SETD3: variants seen among roughly 807,000 people sequenced by gnomAD.
SETD3 encodes the protein SET domain containing 3, actin N3(tau)-histidine methyltransferase, also known as actin-histidine N-methyltransferase.
Under a neutral mutation model 63.0 loss-of-function variants are expected in SETD3, and 19 were observed. The ratio of observed to expected loss-of-function variants is 0.30; its 90% CI spans 0.21 to 0.44. The LOEUF (loss-of-function observed/expected upper bound fraction) is 0.44, where lower values mean the gene tolerates loss of function less well. SETD3 is among the 20% of genes least tolerant of loss of function. The probability of loss-of-function intolerance (pLI) is 1.00; values close to 1 mark genes in which losing one functional copy is unlikely to be tolerated. For missense variants in SETD3, 587 were observed against 728.5 expected, an observed-to-expected ratio of 0.81 and a Z score of 2.24; for synonymous variants, 286 against 264.1, an observed-to-expected ratio of 1.08 and a Z score of -0.80.
chr14:99,427,832 G>A (rs2400666), intron 6 of SETD3, among the ~76,000 whole-genome samples: 1 of 152,178 alleles, frequency 6.6e-6, no homozygotes, highest in South Asian at 2.1e-4. Flanking sequence ...GACACGTGCT[G>A]GAATTCAGAA....
At chr14:99,445,291 C>G (rs1259992264) in intron 6 of SETD3, among the ~76,000 whole-genome samples, 2 of 152,228 alleles carry the variant, frequency 1.3e-5, no homozygotes, top group Middle Eastern at 3.2e-3. Context: ...TCAGCACCAG[C>G]ATTTCCGTTA....
At chr14:99,416,260 TGAA>T (rs1350355454) in intron 6 of SETD3, among the ~76,000 whole-genome samples, 1 of 152,218 alleles carries the variant, frequency 6.6e-6, no homozygotes, top group Non-Finnish European at 1.5e-5. Context: ...TTTTCCCTGT[TGAA>T]GACCAAGTTA....
At chr14:99,434,447 G>A (rs114829199) in intron 6 of SETD3, among the ~76,000 whole-genome samples, 4,035 of 152,244 alleles carry the variant, frequency 0.027, 171 homozygotes, top group African/African-American at 0.091. Context: ...TGAGAAGAGC[G>A]CTTACCCCTG....
chr14:99,434,772 G>A (rs149731112), intron 6 of SETD3, among the ~76,000 whole-genome samples: 110 of 149,148 alleles, frequency 7.4e-4, no homozygotes, highest in African/African-American at 2.5e-3. Context: ...GCTTGAACCC[G>A]GGAGGGAGAG....
intron 7 of SETD3, among the ~76,000 whole-genome samples, 195 bp downstream of exon 7, chr14:99,413,681 C>T (rs1337197729): frequency 6.6e-6 from 1 of 152,238 alleles, no homozygotes; most frequent in Non-Finnish European, 1.5e-5. Flanking sequence ...AGGTTAATGG[C>T]AATTTCTACA....
chr14:99,434,600 C>G (rs1338183223), intron 6 of SETD3, among the ~76,000 whole-genome samples: 1 of 152,094 alleles, frequency 6.6e-6, no homozygotes, highest in African/African-American at 2.4e-5. Flanking sequence ...GTAATCCCAG[C>G]ACTTTGGGAT....
rs542622659 is a variant in SETD3 at position 99,462,552 on chromosome 14, T to C, written c.196+934A>G. Among the ~76,000 whole-genome samples the C allele has an allele frequency of 2.0e-4, 31 of 152,374 alleles. No individual in the cohort carries two copies. In the South Asian group the frequency reaches 5.8e-3, roughly 28 times the overall value. On this transcript the variant is annotated intron_variant, in intron 3 of 12. Coordinates refer to ENST00000331768, the MANE Select transcript of SETD3 (RefSeq NM_032233.3). ...ACTCCTTGAGAACTGGCAAATGCTT[T>C]ACCCTCAGTGTCAGGTATAGTAAAC...
At chr14:99,419,952 A>C (rs991834395) in intron 6 of SETD3, among the ~76,000 whole-genome samples, 1 of 152,228 alleles carries the variant, frequency 6.6e-6, no homozygotes, top group African/African-American at 2.4e-5. Flanking sequence ...CTAGAAATTC[A>C]TTCATTCAAC....
chr14:99,485,574 T>C (rs1444266298), upstream of SETD3, among the ~76,000 whole-genome samples: 1 of 152,212 alleles, frequency 6.6e-6, no homozygotes, highest in East Asian at 1.9e-4. Context: ...TTCCTTTTTG[T>C]TTTTACTGGC....
chr14:99,483,596 T>G (rs1896410387), upstream of SETD3, among the ~76,000 whole-genome samples: 1 of 152,210 alleles, frequency 6.6e-6, no homozygotes, highest in Admixed American at 6.5e-5. Flanking sequence ...TGTTACAGTT[T>G]ACTAGACTGG....
At chr14:99,450,794 A>T (rs1232218419) in intron 6 of SETD3, among the ~76,000 whole-genome samples, 1 of 152,256 alleles carries the variant, frequency 6.6e-6, no homozygotes, top group Non-Finnish European at 1.5e-5. Context: ...TGATGAGATC[A>T]ACTGAAAAAT....
intron 6 of SETD3, among the ~76,000 whole-genome samples, chr14:99,440,472 G>C (rs1384509722): frequency 1.3e-5 from 2 of 152,124 alleles, no homozygotes; most frequent in African/African-American, 4.8e-5. Flanking sequence ...TAGGGGACAG[G>C]GTCAGGAGCA....
chr14:99,458,635 T>C, intron 5 of SETD3, 100 bp from the exon 6 acceptor site: 1 of 1,411,366 alleles, frequency 7.1e-7, no homozygotes, highest in Non-Finnish European at 9.4e-7. Context: ...AAAGGTCTTG[T>C]AACATTTAAA....
chr14:99,485,007 G>A (rs1236298740), upstream of SETD3, among the ~76,000 whole-genome samples: 1 of 152,170 alleles, frequency 6.6e-6, no homozygotes, highest in Admixed American at 6.5e-5. Flanking sequence ...AGCTACTAAT[G>A]AGAAAACTTA....
At chr14:99,434,730 C>T (rs1893372803) in intron 6 of SETD3, among the ~76,000 whole-genome samples, 1 of 151,582 alleles carries the variant, frequency 6.6e-6, no homozygotes, top group Admixed American at 6.6e-5. Flanking sequence ...GCCTGTAATC[C>T]CAGCTACTCG....
At chr14:99,481,644 G>A, upstream of SETD3, 1 of 389,616 alleles carries the variant, frequency 2.6e-6, no homozygotes, top group Non-Finnish European at 4.5e-6. Flanking sequence ...GGCGACGCGG[G>A]GTTGTGGGGC....
intron 6 of SETD3, among the ~76,000 whole-genome samples, chr14:99,434,480 GAA>G (rs1164144629): frequency 6.6e-6 from 1 of 152,128 alleles, no homozygotes; most frequent in African/African-American, 2.4e-5. Context: ...CACTGACGGG[GAA>G]AAGACAGTGG....
chr14:99,440,712 A>G (rs1282208271), intron 6 of SETD3, among the ~76,000 whole-genome samples: 1 of 151,310 alleles, frequency 6.6e-6, no homozygotes, highest in Non-Finnish European at 1.5e-5. Context: ...GGGAGGTAAG[A>G]GGCCTTGTAG....
intron 6 of SETD3, among the ~76,000 whole-genome samples, chr14:99,448,551 A>G (rs1176230511): frequency 1.3e-5 from 2 of 152,160 alleles, no homozygotes; most frequent in African/African-American, 2.4e-5. Context: ...TCTATGCCCC[A>G]TAATATCTAC....
Sources: gnomAD v4.1 joint callset for allele counts (sites outside exome capture counted in the v4.1 genomes callset) on GRCh38, gnomAD v4.1.1 for gene constraint, MANE v1.5 for transcripts, NCBI Gene and HGNC (gene_info 2026-07-23, HGNC 2026-07-21) for gene names.